Variants in PPP4R4 observed in about 807,000 individuals in gnomAD.
The protein encoded by PPP4R4 is protein phosphatase 4 regulatory subunit 4, also known as serine/threonine-protein phosphatase 4 regulatory subunit 4.
In PPP4R4, 70 loss-of-function variants were observed where a neutral mutation model predicts 121.8. That is an observed-to-expected ratio of 0.57 (90% CI 0.47 to 0.70). The LOEUF (loss-of-function observed/expected upper bound fraction) is 0.70. Ranked by LOEUF, PPP4R4 falls within the 30% of genes least tolerant of loss-of-function variation. The pLI is 0.00. For missense variants in PPP4R4, 875 were observed against 1,033.6 expected, an observed-to-expected ratio of 0.85 and a Z score of 2.10; for synonymous variants, 348 against 355.7, an observed-to-expected ratio of 0.98 and a Z score of 0.24.
intron 19 of PPP4R4, among the ~76,000 whole-genome samples, chr14:94,261,288 G>GT (rs1396607574): frequency 2.6e-5 from 4 of 152,060 alleles, no homozygotes; most frequent in African/African-American, 9.7e-5. Context: ...TTGATATGAA[G>GT]TCTGGAATTT....
intron 14 of PPP4R4, among the ~76,000 whole-genome samples, chr14:94,247,344 G>A (rs1022218076): frequency 1.3e-5 from 2 of 152,162 alleles, no homozygotes; most frequent in Non-Finnish European, 2.9e-5. Flanking sequence ...AAGCTGGGTG[G>A]GCCCCACACT....
intron 2 of PPP4R4, among the ~76,000 whole-genome samples, chr14:94,184,576 A>G (rs1371649829): frequency 6.6e-6 from 1 of 152,188 alleles, no homozygotes; most frequent in Non-Finnish European, 1.5e-5. Flanking sequence ...TAAAATTAAG[A>G]TTGCATGAAG....
Position 94,247,973 on chromosome 14 carries a change from G to A in PPP4R4, c.1611+1434G>A, listed in dbSNP as rs142572529. Among the ~76,000 whole-genome samples the A allele has an allele frequency of 4.6e-3, 704 of 152,226 alleles. 7 individuals carry two copies. Among genetic ancestry groups the A allele is most frequent in the African/African-American group, 0.016 (651 of 41,522 alleles). ...CCAACATCAAACTGATTGGGCAAAA[G>A]CTGGAAGCCATCCCCTTGAGAATTG... On this transcript the variant is annotated intron_variant, in intron 14 of 24. Coordinates refer to ENST00000304338, the MANE Select transcript of PPP4R4 (RefSeq NM_058237.2).
rs778541449 is a variant in PPP4R4 at position 94,266,965 on chromosome 14, T to G, written c.2385T>G (p.Ser795Arg). ...AAATCATGTTGTTTTCTAGTAAAAGTTCTACAACAGGATATACAACTTCTG... is the reference window on the plus strand; with the variant it reads ...AAATCATGTTGTTTTCTAGTAAAAGGTCTACAACAGGATATACAACTTCTG... ...YGNLEKCASK[S>R]STTGYTTSVS... The change falls in exon 23 of 25, where the codon AGT (serine) becomes AGG (arginine). Residue 795 changes from serine (S) to arginine (R), a missense_variant. Transcript: ENST00000304338. The G allele has an allele frequency of 6.3e-7, 1 of 1,577,270 alleles. No individual in the cohort carries two copies. The highest frequency in any genetic ancestry group is 8.7e-7 in the Non-Finnish European group (1 of 1,150,848).
Position 94,264,297 on chromosome 14 carries a change from C to T in PPP4R4, c.2128-581C>T, listed in dbSNP as rs150321307. Among the ~76,000 whole-genome samples, 70 of 152,090 alleles carry T rather than the reference C, an allele frequency of 4.6e-4. 1 individual carries two copies. In the East Asian group the frequency reaches 0.012, roughly 26 times the overall value. On this transcript the variant is annotated intron_variant, in intron 19 of 24. Coordinates refer to ENST00000304338, the MANE Select transcript of PPP4R4 (RefSeq NM_058237.2). ...CTGAGTAGCTGGGATTACAGGCGTG[C>T]ATCACCATGCCTGGCTAATTTTTTT...
chr14:94,259,444 T>C (rs2139625222), intron 19 of PPP4R4, 75 bp downstream of exon 19: 8 of 1,385,210 alleles, frequency 5.8e-6, no homozygotes, highest in Non-Finnish European at 7.5e-6. Flanking sequence ...AACTTAATCA[T>C]TTCTTTCCAT....
chr14:94,244,401 CT>C (rs1446092688), intron 11 of PPP4R4, among the ~76,000 whole-genome samples: 5 of 152,160 alleles, frequency 3.3e-5, no homozygotes, highest in African/African-American at 1.2e-4. Flanking sequence ...AAATCCCATT[CT>C]TTTGTATTTC....
chr14:94,213,437 TGGTA>T (rs1012950084), intron 3 of PPP4R4, among the ~76,000 whole-genome samples: 4 of 152,126 alleles, frequency 2.6e-5, no homozygotes, highest in African/African-American at 7.2e-5. Context: ...TTAAGTGGTG[TGGTA>T]GGTAGAATCA....
chr14:94,204,954 G>A (rs765745334), intron 2 of PPP4R4, among the ~76,000 whole-genome samples: 17 of 152,052 alleles, frequency 1.1e-4, no homozygotes, highest in South Asian at 2.1e-4. Flanking sequence ...TTGAACCAGC[G>A]TTGCATCCCT....
intron 2 of PPP4R4, among the ~76,000 whole-genome samples, chr14:94,205,125 A>G (rs1467708232): frequency 6.6e-6 from 1 of 152,098 alleles, no homozygotes; most frequent in Non-Finnish European, 1.5e-5. Context: ...ATTGTGTAGA[A>G]TAGTGTTAAT....
Position 94,200,812 on chromosome 14 carries a change from T to TTG in PPP4R4, c.192-7651_192-7650insGT, listed in dbSNP as rs879395932. ...GTTTCACTTATCTTTTGTATTTTTT[T>TTG]TTTGTTTCCCTTTCATTTAGTCCTG... On this transcript the variant is annotated intron_variant, in intron 2 of 24. Coordinates refer to ENST00000304338, the MANE Select transcript of PPP4R4 (RefSeq NM_058237.2). Among the ~76,000 whole-genome samples the TTG allele has an allele frequency of 9.1e-4, 138 of 152,068 alleles. 4 individuals are homozygous for TTG. The highest frequency in any genetic ancestry group is 2.2e-3 in the Admixed American group (33 of 15,286).
At chr14:94,250,308 AG>A in intron 15 of PPP4R4, 31 bp downstream of exon 15, 1 of 1,477,858 alleles carries the variant, frequency 6.8e-7, no homozygotes, top group Non-Finnish European at 9.4e-7. Context: ...ATTTTGAAAA[AG>A]GAAAGTAAAC....
At chr14:94,228,479 G>C (rs1052740470) in intron 3 of PPP4R4, among the ~76,000 whole-genome samples, 1 of 152,170 alleles carries the variant, frequency 6.6e-6, no homozygotes, top group Admixed American at 6.5e-5. Context: ...AGAAGACTGG[G>C]TATATAGGTC....
intron 5 of PPP4R4, among the ~76,000 whole-genome samples, chr14:94,231,857 G>A (rs1179303617): frequency 6.6e-6 from 1 of 152,060 alleles, no homozygotes. Context: ...ATGTGAAGAT[G>A]CTCTTTTCCT....
chr14:94,265,496 A>G (rs746830295), intron 21 of PPP4R4, 23 bp downstream of exon 21: 2 of 1,560,102 alleles, frequency 1.3e-6, no homozygotes, highest in Non-Finnish European at 1.8e-6. Context: ...TTCTTTTTAT[A>G]TCTTTTTGTA....
At chr14:94,175,983 T>G in intron 1 of PPP4R4, 71 bp from the exon 2 acceptor site, 1 of 1,149,924 alleles carries the variant, frequency 8.7e-7, no homozygotes, top group Middle Eastern at 1.9e-4. Context: ...TCATAGAGGG[T>G]CACTGGGAGG....
At chr14:94,251,430 C>G (rs541912528) in intron 15 of PPP4R4, among the ~76,000 whole-genome samples, 1 of 151,850 alleles carries the variant, frequency 6.6e-6, no homozygotes, top group Non-Finnish European at 1.5e-5. Flanking sequence ...CTTTTCAGGG[C>G]TAAATGAGAT....
chr14:94,237,682 T>C lies in PPP4R4; in HGVS notation c.849T>C (p.Asp283=). The change falls in exon 8 of 25, where the codon GAT becomes GAC. Residue 283 remains aspartate, a synonymous_variant. Transcript: ENST00000304338. ...TGGTTAATCTGCTTGATATATTTGA[T>C]ACAGGTAAATCATGTGGCTACATCT... The part of the protein sequence containing the change: ...ETLVNLLDIF[D]TDDRSQTILP... 1 of 1,611,860 alleles carries C rather than the reference T, an allele frequency of 6.2e-7. No individual in the cohort carries two copies. Among genetic ancestry groups the C allele is most frequent in the Non-Finnish European group, 8.5e-7 (1 of 1,177,988 alleles).
At chr14:94,226,499 G>A (rs1891710147) in intron 3 of PPP4R4, among the ~76,000 whole-genome samples, 1 of 152,044 alleles carries the variant, frequency 6.6e-6, no homozygotes, top group African/African-American at 2.4e-5. Flanking sequence ...GTGGCAATCA[G>A]GGATAGGGAA....
Sources: gnomAD v4.1 joint callset for allele counts (sites outside exome capture counted in the v4.1 genomes callset) on GRCh38, gnomAD v4.1.1 for gene constraint, MANE v1.5 for transcripts, NCBI Gene and HGNC (gene_info 2026-07-23, HGNC 2026-07-21) for gene names.